The following ATXN10 variants were observed in gnomAD, a reference collection of about 807,000 sequenced individuals.
ATXN10 encodes the protein ataxin 10.
Under a neutral mutation model 52.9 loss-of-function variants are expected in ATXN10, and 28 were observed. The ratio of observed to expected loss-of-function variants is 0.53; its 90% CI spans 0.39 to 0.73. The LOEUF is 0.73. Among genes scored for constraint, ATXN10 ranks in the 30% least tolerant of loss-of-function variants. The probability of loss-of-function intolerance (pLI) is 0.00; values close to 1 mark genes in which losing one functional copy is unlikely to be tolerated. For missense variants in ATXN10, 565 were observed against 577.0 expected (o/e 0.98, Z 0.21); for synonymous variants, 226 against 221.5 (o/e 1.02, Z -0.18).
intron 9 of ATXN10, among the ~76,000 whole-genome samples, chr22:45,748,126 C>T (rs1925806916): frequency 6.6e-6 from 1 of 151,946 alleles, no homozygotes; most frequent in Non-Finnish European, 1.5e-5. Flanking sequence ...CTACAGGGAG[C>T]CGTGATCGTG....
chr22:45,690,665 A>T lies in ATXN10; in HGVS notation c.308+762A>T, dbSNP rs537024138. On this transcript the variant is annotated intron_variant, in intron 2 of 11. Transcript: ENST00000252934. This position sits in a 1 kb window ranked among gnomAD's most constrained non-coding sequence, Gnocchi z 4.5. The stretch of plus-strand genomic sequence containing the variant: ...TTTACAAGATGACCTGTCTTTCCTA[A>T]AGATCATGTAAAGTTCCAAGCTCTG... 7.9e-4 allele frequency among the ~76,000 whole-genome samples: 120 copies of T among 152,292 alleles called. No homozygotes were observed. Among genetic ancestry groups the T allele is most frequent in the Non-Finnish European group, 1.5e-3 (100 of 68,024 alleles).
chr22:45,811,742 TC>T (rs1928287996), intron 10 of ATXN10: 2 of 471,084 alleles, frequency 4.2e-6, no homozygotes. Context: ...GCCCTGAACT[TC>T]GGCAGTGACT....
chr22:45,720,409 G>A (rs1242322348), intron 6 of ATXN10, among the ~76,000 whole-genome samples: 1 of 151,472 alleles, frequency 6.6e-6, no homozygotes, highest in African/African-American at 2.4e-5. Context: ...TGATCGTAGT[G>A]CACTACAGCC....
chr22:45,837,726 C>T lies in ATXN10; in HGVS notation c.1238-5265C>T, dbSNP rs998257865. On this transcript the variant is annotated intron_variant, in intron 10 of 11. Transcript: ENST00000252934. The surrounding 1 kb of genome is among the most constrained non-coding windows in gnomAD (Gnocchi z 5.8). ...CCTGCCCTTGCAGTGTGACAGCAGC[C>T]GCCAACACAGGCAAGTGATGGGCAT... Among the ~76,000 whole-genome samples, 5 of 152,196 alleles carry T rather than the reference C, an allele frequency of 3.3e-5. No homozygotes were observed. The highest frequency in any genetic ancestry group is 5.9e-5 in the Non-Finnish European group (4 of 68,042).
At chr22:45,689,335 C>T in intron 1 of ATXN10, 1 of 306,076 alleles carries the variant, frequency 3.3e-6, no homozygotes, top group Non-Finnish European at 6.3e-6. Context: ...TTTGGGTTGT[C>T]ATGGGTAGTG....
rs1338005242 is a variant in ATXN10, at chr22:45,696,320, A to T, written c.391+3242A>T. 1.3e-5 allele frequency among the ~76,000 whole-genome samples: 2 copies of T among 152,202 alleles called. No individual in the cohort carries two copies. The highest frequency in any genetic ancestry group is 2.9e-5 in the Non-Finnish European group (2 of 68,028). ...CTGTGTGGTATAGTAATTGAGAAAGAAAGTTGAGAATGTACTGTGTTTTAT... is the reference window on the plus strand; with the variant it reads ...CTGTGTGGTATAGTAATTGAGAAAGTAAGTTGAGAATGTACTGTGTTTTAT... On this transcript the variant is annotated intron_variant, in intron 3 of 11. Transcript: ENST00000252934. This position sits in a 1 kb window ranked among gnomAD's most constrained non-coding sequence, Gnocchi z 4.7.
chr22:45,827,709 C>G (rs1338354792), intron 10 of ATXN10, among the ~76,000 whole-genome samples: 1 of 152,112 alleles, frequency 6.6e-6, no homozygotes, highest in Non-Finnish European at 1.5e-5. Context: ...ACCCTACTCT[C>G]AATAATGGAT....
rs1261188583 is a variant in ATXN10, at chr22:45,841,888, C to G, written c.1238-1103C>G. ...CAGGACAAGATCAGAAGACTTGGCT[C>G]TTTAGCTCTAGGGTTTGATACCTTG... On this transcript the variant is annotated intron_variant, in intron 10 of 11. Transcript: ENST00000252934. This position sits in a 1 kb window ranked among gnomAD's most constrained non-coding sequence, Gnocchi z 5.1. Among the ~76,000 whole-genome samples, 1 of 152,196 alleles carries G rather than the reference C, an allele frequency of 6.6e-6. No individual in the cohort carries two copies. The highest frequency in any genetic ancestry group is 1.9e-4 in the East Asian group (1 of 5,200).
intron 6 of ATXN10, among the ~76,000 whole-genome samples, chr22:45,723,075 C>G (rs964008304): frequency 6.6e-6 from 1 of 151,990 alleles, no homozygotes; most frequent in African/African-American, 2.4e-5. Context: ...ATTTAGAGTA[C>G]GCATTTGGGC....
intron 5 of ATXN10, among the ~76,000 whole-genome samples, chr22:45,703,418 A>G (rs1337657712): frequency 1.3e-5 from 2 of 152,164 alleles, no homozygotes; most frequent in African/African-American, 4.8e-5. Context: ...TTGAATCAGT[A>G]GATTTATGTC....
chr22:45,791,418 A>G (rs571282304), intron 9 of ATXN10, among the ~76,000 whole-genome samples: 2 of 152,168 alleles, frequency 1.3e-5, no homozygotes, highest in African/African-American at 4.8e-5. Flanking sequence ...TCCTTTACCT[A>G]TGACATTTAC....
In ATXN10 at chr22:45,805,763, A is replaced by G. The variant is rs1470777493; in HGVS notation, c.1174-1196A>G. The stretch of plus-strand genomic sequence containing the variant: ...TTTTAGGGGTGAGGAAAATGTTGGA[A>G]AATTGGATCATGCTAATGGTTATAT... On this transcript the variant is annotated intron_variant, in intron 9 of 11. Coordinates refer to ENST00000252934, the MANE Select transcript of ATXN10 (RefSeq NM_013236.4). The surrounding 1 kb of genome is among the most constrained non-coding windows in gnomAD (Gnocchi z 4.4). Among the ~76,000 whole-genome samples the G allele has an allele frequency of 6.6e-6, 1 of 152,154 alleles. No individual in the cohort carries two copies. The highest frequency in any genetic ancestry group is 2.1e-4 in the South Asian group (1 of 4,814).
chr22:45,756,359 A>G (rs1926174254), intron 9 of ATXN10, among the ~76,000 whole-genome samples: 1 of 152,008 alleles, frequency 6.6e-6, no homozygotes, highest in Non-Finnish European at 1.5e-5. Flanking sequence ...TGCCTAGGCT[A>G]ATCTCGAGCC....
At chr22:45,685,813 A>G (rs1329838327) in intron 1 of ATXN10, among the ~76,000 whole-genome samples, 1 of 152,208 alleles carries the variant, frequency 6.6e-6, no homozygotes, top group African/African-American at 2.4e-5. Flanking sequence ...GAAGCTATAG[A>G]TATTTATTAT....
intron 5 of ATXN10, among the ~76,000 whole-genome samples, chr22:45,713,518 T>C (rs1924331327): frequency 6.6e-6 from 1 of 152,232 alleles, no homozygotes; most frequent in Admixed American, 6.5e-5. Context: ...TTCCTCGTCC[T>C]TAAAGCCTGA....
Position 45,783,591 on chromosome 22 carries a change from A to T in ATXN10, c.1174-23368A>T, listed in dbSNP as rs1927223886. 1.3e-5 allele frequency among the ~76,000 whole-genome samples: 2 copies of T among 152,054 alleles called. No homozygotes were observed. Among genetic ancestry groups the T allele is most frequent in the Admixed American group, 1.3e-4 (2 of 15,272 alleles). On this transcript the variant is annotated intron_variant, in intron 9 of 11. Coordinates refer to ENST00000252934, the MANE Select transcript of ATXN10 (RefSeq NM_013236.4). The surrounding 1 kb of genome is among the most constrained non-coding windows in gnomAD (Gnocchi z 5.0). ...CCTTCGTGTTTCCCTCCAGTGCTGG[A>T]TGTGAATGGTGCTTTTTGCTTGTCT...
At position 45,824,296 on chromosome 22, in the gene ATXN10, T is replaced by G. The variant is rs1928749311; in HGVS notation, c.1237+17274T>G. Among the ~76,000 whole-genome samples the G allele has an allele frequency of 6.6e-6, 1 of 152,228 alleles. No homozygotes were observed. Among genetic ancestry groups the G allele is most frequent in the Non-Finnish European group, 1.5e-5 (1 of 68,040 alleles). On this transcript the variant is annotated intron_variant, in intron 10 of 11. Coordinates refer to ENST00000252934, the MANE Select transcript of ATXN10 (RefSeq NM_013236.4). This position sits in a 1 kb window ranked among gnomAD's most constrained non-coding sequence, Gnocchi z 5.2. Reference sequence around the variant, plus strand: ...CTCCTACTCACCTTTGAGTTTGATTTAAATATTATTTATTTAAGATAAGTC... The same window carrying G: ...CTCCTACTCACCTTTGAGTTTGATTGAAATATTATTTATTTAAGATAAGTC...
intron 9 of ATXN10, among the ~76,000 whole-genome samples, chr22:45,764,576 T>C (rs578232633): frequency 6.6e-6 from 1 of 152,326 alleles, no homozygotes; most frequent in South Asian, 2.1e-4. Flanking sequence ...CCCATCATCC[T>C]TTGTGGGTAG....
chr22:45,807,733 A>C, intron 10 of ATXN10, among the ~76,000 whole-genome samples: 1 of 152,328 alleles, frequency 6.6e-6, no homozygotes, highest in South Asian at 2.1e-4. Context: ...CTACTGTTTA[A>C]TTTCACGAAC....
Sources: allele counts gnomAD v4.1 joint callset (sites outside exome capture counted in the v4.1 genomes callset), GRCh38; gene constraint gnomAD v4.1.1; non-coding constraint Gnocchi (gnomAD v3.1); transcripts MANE v1.5; gene names NCBI Gene and HGNC (gene_info 2026-07-23, HGNC 2026-07-21).